The following EFCAB9 variants were observed in gnomAD, a reference collection of about 807,000 sequenced individuals.
The protein encoded by EFCAB9 is EF-hand calcium-binding domain-containing protein 9.
In EFCAB9, 16 loss-of-function variants were observed where a neutral mutation model predicts 15.6. That is an observed-to-expected ratio of 1.03 (90% confidence interval 0.69 to 1.56). The LOEUF is 1.56. Ranked by LOEUF, EFCAB9 falls within the 40% of genes most tolerant of loss-of-function variation. EFCAB9 has a pLI of 0.00. For missense variants in EFCAB9, 208 were observed against 235.4 expected (o/e 0.88, Z 0.76); for synonymous variants, 76 against 85.4 (o/e 0.89, Z 0.61).
chr5:172,202,994 G>A (rs879438342), intron 3 of EFCAB9, among the ~76,000 whole-genome samples: 23 of 152,134 alleles, frequency 1.5e-4, no homozygotes, highest in Non-Finnish European at 2.8e-4. Flanking sequence ...GAGAGACTCC[G>A]TCTCAAAAAA....
chr5:172,202,382 A>G lies in EFCAB9; in HGVS notation c.463-832A>G, dbSNP rs116348130. On this transcript the variant is annotated intron_variant, in intron 3 of 3. Coordinates refer to ENST00000398186, the MANE Select transcript of EFCAB9 (RefSeq NM_001171183.2). The stretch of plus-strand genomic sequence containing the variant: ...GAAAGTAATGGCAAAAGCCGCAATT[A>G]CTTTTGCCTTTTCTACCAACCTAAT... Among the ~76,000 whole-genome samples the G allele has an allele frequency of 9.5e-3, 1,427 of 150,454 alleles. 26 individuals carry two copies. The highest frequency in any genetic ancestry group is 0.034 in the African/African-American group (1,378 of 40,874).
intron 3 of EFCAB9, among the ~76,000 whole-genome samples, chr5:172,201,888 G>A (rs889381746): frequency 5.3e-5 from 8 of 152,174 alleles, no homozygotes; most frequent in African/African-American, 1.9e-4. Context: ...AGTGAATTCT[G>A]CCTATTTAAA....
chr5:172,195,450 A>G (rs2113857406), intron 1 of EFCAB9, among the ~76,000 whole-genome samples: 1 of 152,320 alleles, frequency 6.6e-6, no homozygotes, highest in East Asian at 1.9e-4. Context: ...TTACATAGAG[A>G]TTTATGTACA....
At chr5:172,195,977 A>G (rs1236719870) in intron 1 of EFCAB9, among the ~76,000 whole-genome samples, 1 of 151,890 alleles carries the variant, frequency 6.6e-6, no homozygotes, top group African/African-American at 2.4e-5. Flanking sequence ...TAATTTCTGT[A>G]TTCTTAGTAA....
intron 3 of EFCAB9, among the ~76,000 whole-genome samples, 185 bp downstream of exon 3, chr5:172,200,927 A>G (rs1351282827): frequency 3.9e-5 from 6 of 152,166 alleles, no homozygotes; most frequent in Non-Finnish European, 7.3e-5. Flanking sequence ...TTGAAGAGAA[A>G]GGGTGGACTA....
At chr5:172,201,756 C>T (rs1028478735) in intron 3 of EFCAB9, among the ~76,000 whole-genome samples, 1 of 152,084 alleles carries the variant, frequency 6.6e-6, no homozygotes, top group Non-Finnish European at 1.5e-5. Flanking sequence ...CACCTGTAGT[C>T]CCAGCTCCCT....
intron 1 of EFCAB9, among the ~76,000 whole-genome samples, chr5:172,195,018 T>G (rs1771135634): frequency 1.3e-5 from 2 of 152,172 alleles, no homozygotes; most frequent in South Asian, 4.2e-4. Flanking sequence ...TTATTGTAAT[T>G]ATTATTCTTG....
At position 172,199,443 on chromosome 5, in the gene EFCAB9, T is replaced by C. The variant is rs1432180203; in HGVS notation, c.197T>C (p.Ile66Thr). Reference protein sequence around the residue: ...VTDLKKAQINIVFDMLDWNAV... With the variant: ...VTDLKKAQINTVFDMLDWNAV... ...GACTTGAAAAAGGCACAGATCAACA[T>C]TGTGTTTGACATGCTGGACTGGAAC... Residue 66 changes from isoleucine (I) to threonine (T), a missense_variant, in exon 2 of 4, where the codon ATT (isoleucine) becomes ACT (threonine). Transcript: ENST00000398186. The C allele has an allele frequency of 2.7e-5, 41 of 1,537,108 alleles. No homozygotes were observed. The highest frequency in any genetic ancestry group is 3.4e-5 in the Non-Finnish European group (39 of 1,146,908).
chr5:172,196,872 A>G (rs557757198), intron 1 of EFCAB9, among the ~76,000 whole-genome samples: 10 of 152,304 alleles, frequency 6.6e-5, no homozygotes, highest in African/African-American at 2.4e-4. Flanking sequence ...CAGGCAAAAA[A>G]CTTCTCTGTA....
chr5:172,197,108 C>CTTTTT (rs769692171), intron 1 of EFCAB9, among the ~76,000 whole-genome samples: 2 of 141,390 alleles, frequency 1.4e-5, no homozygotes, highest in East Asian at 2.0e-4. Flanking sequence ...TGAGGCACAA[C>CTTTTT]TTTTTTTTTT....
chr5:172,194,767 G>A (rs911261135), intron 1 of EFCAB9, among the ~76,000 whole-genome samples: 15 of 152,072 alleles, frequency 9.9e-5, no homozygotes, highest in African/African-American at 3.1e-4. Context: ...TGACACGGGG[G>A]ACAGTTCAGC....
rs1771289641 is a variant in EFCAB9 at position 172,203,291 on chromosome 5, G to C, written c.540G>C (p.Glu180Asp). ...DKLQKRQKTEEKEKGERKRSL... is the reference protein window; with the variant it reads ...DKLQKRQKTEDKEKGERKRSL... ...TACAGAAGAGGCAGAAAACAGAGGA[G>C]AAAGAAAAAGGAGAGAGAAAGAGAA... Residue 180 changes from glutamate (E) to aspartate (D), a missense_variant, in exon 4 of 4, where the codon GAG becomes GAC. Glu to Asp is a conservative substitution (Grantham distance 45). Transcript: ENST00000398186. The C allele has an allele frequency of 6.5e-7, 1 of 1,536,190 alleles. No individual in the cohort carries two copies. Among genetic ancestry groups the C allele is most frequent in the Non-Finnish European group, 8.7e-7 (1 of 1,146,536 alleles).
At chr5:172,202,332 CAAA>C (rs10690291) in intron 3 of EFCAB9, among the ~76,000 whole-genome samples, 5 of 73,366 alleles carry the variant, frequency 6.8e-5, no homozygotes, top group African/African-American at 7.1e-5. Flanking sequence ...GACTTCATCT[CAAA>C]AAAAAAAAAA....
At position 172,200,829 on chromosome 5, in the gene EFCAB9, GGA is replaced by G. The variant is rs1469734356; in HGVS notation, c.462+91_462+92del. Reference sequence around the variant, plus strand: ...TGTCCTACTACATATAGGAGAGATGGGAGAGGAGGAGGGAGGGAAAAACCTAC... The same window carrying G: ...TGTCCTACTACATATAGGAGAGATGGGAGGAGGAGGGAGGGAAAAACCTAC... On this transcript the variant is annotated intron_variant, in intron 3 of 3. Transcript: ENST00000398186. 66 of 1,313,966 alleles carry G rather than the reference GGA, an allele frequency of 5.0e-5. No homozygotes were observed. In the African/African-American group the frequency reaches 8.8e-4, roughly 18 times the overall value. 81.4% of individuals were successfully genotyped at this position (1,313,966 alleles called of 1,614,324 possible).
At position 172,196,068 on chromosome 5, in the gene EFCAB9, C is replaced by T. The variant is rs145031522; in HGVS notation, c.136+1760C>T. On this transcript the variant is annotated intron_variant, in intron 1 of 3. Transcript: ENST00000398186. ...CTCGAACTCCTGACCTCAAGTGATCCGCCCACCTCAGCCTCCCAAAGTGCT... is the reference window on the plus strand; with the variant it reads ...CTCGAACTCCTGACCTCAAGTGATCTGCCCACCTCAGCCTCCCAAAGTGCT... Among the ~76,000 whole-genome samples, 338 of 152,262 alleles carry T rather than the reference C, an allele frequency of 2.2e-3. 5 individuals carry two copies. In the East Asian group the frequency reaches 0.051, roughly 23 times the overall value.
At chr5:172,195,703 G>T (rs1413026891) in intron 1 of EFCAB9, among the ~76,000 whole-genome samples, 1 of 152,248 alleles carries the variant, frequency 6.6e-6, no homozygotes, top group African/African-American at 2.4e-5. Context: ...ACCTGGAAGG[G>T]TGAAGGCACA....
chr5:172,202,307 T>C (rs1771266963), intron 3 of EFCAB9, among the ~76,000 whole-genome samples: 1 of 111,568 alleles, frequency 9.0e-6, no homozygotes, highest in Admixed American at 1.3e-4. Context: ...TGCCACTGCC[T>C]GGGCGACAGA....
Position 172,203,301 on chromosome 5 carries a change from G to C in EFCAB9, c.550G>C (p.Gly184Arg). 1 of 1,536,646 alleles carries C rather than the reference G, an allele frequency of 6.5e-7. No individual in the cohort carries two copies. Among genetic ancestry groups the C allele is most frequent in the South Asian group, 1.2e-5 (1 of 84,016 alleles). The change falls in exon 4 of 4, where the codon GGA (glycine) becomes CGA (arginine). Residue 184 changes from glycine (G) to arginine (R), a missense_variant. Coordinates refer to ENST00000398186, the MANE Select transcript of EFCAB9 (RefSeq NM_001171183.2). ...KRQKTEEKEK[G>R]ERKRSLYSKC... The stretch of plus-strand genomic sequence containing the variant: ...GCAGAAAACAGAGGAGAAAGAAAAA[G>C]GAGAGAGAAAGAGAAGTCTCTACTC...
At chr5:172,200,800 A>T in intron 3 of EFCAB9, 58 bp downstream of exon 3, 1 of 1,472,310 alleles carries the variant, frequency 6.8e-7, no homozygotes, top group Non-Finnish European at 9.0e-7. Context: ...AAAGCAGAGA[A>T]AAATGTCCTA....
Sources: allele counts gnomAD v4.1 joint callset (sites outside exome capture counted in the v4.1 genomes callset), GRCh38; gene constraint gnomAD v4.1.1; transcripts MANE v1.5; gene names NCBI Gene and HGNC (gene_info 2026-07-23, HGNC 2026-07-21).